KCNG3: variants seen among roughly 807,000 people sequenced by gnomAD.
The protein encoded by KCNG3 is voltage-gated potassium channel regulatory subunit KCNG3.
Under a neutral mutation model 29.0 loss-of-function variants are expected in KCNG3, and 15 were observed. That is an observed-to-expected ratio of 0.52 (90% CI 0.35 to 0.80). The LOEUF is 0.80. Ranked by LOEUF, KCNG3 falls within the 30% of genes least tolerant of loss-of-function variation. KCNG3 has a pLI of 0.01. For synonymous variants in KCNG3, 322 were observed against 248.9 expected (o/e 1.29, Z -2.76); for missense variants, 512 against 605.7 (o/e 0.85, Z 1.62).
At chr2:42,412,315 G>A in the KCNG3 span, among the ~76,000 whole-genome samples, 2 of 152,142 alleles carry the variant, frequency 1.3e-5, no homozygotes, top group African/African-American at 4.8e-5. Context: ...TATATGTGAA[G>A]GCCTAATTAT....
intron 1 of KCNG3, among the ~76,000 whole-genome samples, chr2:42,482,791 C>T (rs1254248927): frequency 6.6e-6 from 1 of 151,914 alleles, no homozygotes; most frequent in Non-Finnish European, 1.5e-5. Flanking sequence ...ATCCCAAAAA[C>T]CACTGCATTT....
intron 1 of KCNG3, among the ~76,000 whole-genome samples, chr2:42,465,651 C>A (rs957578843): frequency 6.6e-6 from 1 of 152,096 alleles, no homozygotes; most frequent in Non-Finnish European, 1.5e-5. Context: ...AAATTTAAAA[C>A]TTTAGTATAG....
Position 42,493,869 on chromosome 2 carries a change from G to A in KCNG3, c.-368C>T, listed in dbSNP as rs1673997571. 3 of 184,064 alleles carry A rather than the reference G, an allele frequency of 1.6e-5. No homozygotes were observed. Among genetic ancestry groups the A allele is most frequent in the South Asian group, 3.9e-4 (2 of 5,146 alleles). The allele number at this position is 184,064 out of a possible 1,614,324, so 11.4% of individuals were successfully genotyped here. A position where few individuals can be genotyped will look rare whatever the true frequency, so the allele number is the denominator to read the frequency against. On this transcript the variant is annotated 5_prime_UTR_variant, in exon 1 of 2. Coordinates refer to ENST00000306078, the MANE Select transcript of KCNG3 (RefSeq NM_133329.6). ...CAAGCCGCGGGGCCGACCCCCTGAG[G>A]GCTGCGGGCGCCGAATGGAGCCGCC...
At chr2:42,414,905 T>C in the KCNG3 span, among the ~76,000 whole-genome samples, 1 of 152,246 alleles carries the variant, frequency 6.6e-6, no homozygotes, top group Non-Finnish European at 1.5e-5. Flanking sequence ...CTCCTGATCT[T>C]ACTTCACTGA....
At chr2:42,455,635 G>A (rs79628332) in intron 1 of KCNG3, among the ~76,000 whole-genome samples, 1 of 152,054 alleles carries the variant, frequency 6.6e-6, no homozygotes, top group Non-Finnish European at 1.5e-5. Flanking sequence ...GCCAGTGTGG[G>A]GCATGTGCCT....
the KCNG3 span, among the ~76,000 whole-genome samples, chr2:42,403,566 G>A: frequency 7.1e-6 from 1 of 141,580 alleles, no homozygotes; most frequent in African/African-American, 2.7e-5. Context: ...TGCAACCTCT[G>A]CCTCCTGGGT....
the KCNG3 span, among the ~76,000 whole-genome samples, chr2:42,402,864 A>G: frequency 1.3e-5 from 2 of 152,074 alleles, no homozygotes; most frequent in South Asian, 4.1e-4. Flanking sequence ...TTGAATTGTC[A>G]CAGCTGTTCA....
the KCNG3 span, among the ~76,000 whole-genome samples, chr2:42,396,302 AT>A: frequency 6.6e-6 from 1 of 152,246 alleles, no homozygotes; most frequent in Non-Finnish European, 1.5e-5. Context: ...TTTCTTTAAA[AT>A]TTTGTCCATT....
chr2:42,474,134 G>A (rs1673362333), intron 1 of KCNG3, among the ~76,000 whole-genome samples: 1 of 151,492 alleles, frequency 6.6e-6, no homozygotes, highest in Non-Finnish European at 1.5e-5. Flanking sequence ...CTTATCTTCT[G>A]ACTCTTGGTG....
chr2:42,483,396 T>C (rs1673640256), intron 1 of KCNG3, among the ~76,000 whole-genome samples: 1 of 152,180 alleles, frequency 6.6e-6, no homozygotes, highest in African/African-American at 2.4e-5. Context: ...CTCACACCAA[T>C]TTGCAAGGAT....
At chr2:42,396,983 G>A in the KCNG3 span, among the ~76,000 whole-genome samples, 1 of 152,178 alleles carries the variant, frequency 6.6e-6, no homozygotes, top group African/African-American at 2.4e-5. Flanking sequence ...GAGAGGCTGG[G>A]CACGGTGGCT....
intron 1 of KCNG3, among the ~76,000 whole-genome samples, chr2:42,487,811 A>T (rs1572867622): frequency 6.6e-6 from 1 of 152,350 alleles, no homozygotes; most frequent in East Asian, 1.9e-4. Context: ...ATATATATGA[A>T]CAGGATAATC....
At chr2:42,482,545 A>G (rs1673614891) in intron 1 of KCNG3, among the ~76,000 whole-genome samples, 1 of 152,184 alleles carries the variant, frequency 6.6e-6, no homozygotes, top group Non-Finnish European at 1.5e-5. Flanking sequence ...CAACACGGTG[A>G]AACTCCGTCT....
intron 1 of KCNG3, among the ~76,000 whole-genome samples, chr2:42,472,703 T>G (rs1385809901): frequency 6.6e-6 from 1 of 151,658 alleles, no homozygotes; most frequent in Non-Finnish European, 1.5e-5. Flanking sequence ...TTTCACCACG[T>G]TGCACAGGCT....
At chr2:42,469,833 C>G (rs954265621) in intron 1 of KCNG3, 1 of 196,850 alleles carries the variant, frequency 5.1e-6, no homozygotes, top group South Asian at 1.8e-4. Context: ...TGCATGCATG[C>G]TCCCAGGAAG....
intron 1 of KCNG3, among the ~76,000 whole-genome samples, chr2:42,486,055 C>T (rs892331586): frequency 6.6e-6 from 1 of 152,190 alleles, no homozygotes; most frequent in Non-Finnish European, 1.5e-5. Flanking sequence ...TGATCCTTCT[C>T]CCACCAACAT....
the KCNG3 span, among the ~76,000 whole-genome samples, chr2:42,408,540 G>A: frequency 3.9e-5 from 6 of 152,242 alleles, no homozygotes; most frequent in South Asian, 2.1e-4. Flanking sequence ...GCAAAGAGGA[G>A]CTTCCCACCC....
rs1167441594 is a variant in KCNG3 at position 42,493,750 on chromosome 2, G to C, written c.-249C>G. 3 of 323,564 alleles carry C rather than the reference G, an allele frequency of 9.3e-6. No individual in the cohort carries two copies. Among genetic ancestry groups the C allele is most frequent in the Non-Finnish European group, 1.7e-5 (3 of 178,488 alleles). The allele number at this position is 323,564 out of a possible 1,614,324, so 20.0% of individuals were successfully genotyped here. A position where few individuals can be genotyped will look rare whatever the true frequency, so the allele number is the denominator to read the frequency against. On this transcript the variant is annotated 5_prime_UTR_variant, in exon 1 of 2. Transcript: ENST00000306078. ...GGCCGGGGAGTCCTCGCCGGCGCCA[G>C]CGCTGAGCCCCACCGGCTGGGAACG... is the stretch of plus-strand genomic sequence containing the variant.
chr2:42,492,378 T>C (rs1252572761), intron 1 of KCNG3, among the ~76,000 whole-genome samples: 2 of 152,164 alleles, frequency 1.3e-5, no homozygotes, highest in Non-Finnish European at 1.5e-5. Context: ...GCAGAGTGTA[T>C]AGAATGTGTG....
Sources: allele counts gnomAD v4.1 joint callset (sites outside exome capture counted in the v4.1 genomes callset), GRCh38; gene constraint gnomAD v4.1.1; transcripts MANE v1.5; gene names NCBI Gene and HGNC (gene_info 2026-07-23, HGNC 2026-07-21).